Variants in ACOX3 observed in about 807,000 individuals in gnomAD.
The protein encoded by ACOX3 is peroxisomal acyl-coenzyme A oxidase 3.
A neutral mutation model predicts 81.5 loss-of-function variants in ACOX3; 73 were observed. That is an observed-to-expected ratio of 0.90 (90% CI 0.74 to 1.09). The LOEUF is 1.09. Among genes scored for constraint, ACOX3 ranks in the 50% least tolerant of loss-of-function variants. The pLI, the probability that ACOX3 is intolerant of heterozygous loss-of-function variation, is 0.00. For missense variants in ACOX3, 947 were observed against 928.0 expected (o/e 1.02, Z -0.27); for synonymous variants, 387 against 375.1 (o/e 1.03, Z -0.37).
At position 8,389,331 on chromosome 4, in the gene ACOX3, A is replaced by G; in HGVS notation, c.1424-45T>C. The G allele has an allele frequency of 6.4e-7, 1 of 1,552,974 alleles. No individual in the cohort carries two copies. Reference sequence around the variant, plus strand: ...GACTTTGGTGGAAGACAGGAACCCAAACCATTGGGAACCCCAAGCTGGGGG... The same window carrying G: ...GACTTTGGTGGAAGACAGGAACCCAGACCATTGGGAACCCCAAGCTGGGGG... On this transcript the variant is annotated intron_variant, in intron 12 of 17. Transcript: ENST00000356406. This position sits in a 1 kb window ranked among gnomAD's most constrained non-coding sequence, Gnocchi z 5.3.
Position 8,389,152 on chromosome 4 carries a change from G to A in ACOX3, c.1537+21C>T. On this transcript the variant is annotated intron_variant, in intron 13 of 17. Coordinates refer to ENST00000356406, the MANE Select transcript of ACOX3 (RefSeq NM_003501.3). This position sits in a 1 kb window ranked among gnomAD's most constrained non-coding sequence, Gnocchi z 5.3. ...GACAGGAAATCAGGAGGCCAGGGGA[G>A]CCCTCCACCTGTGTGTTTACCTGCA... 2 of 1,592,202 alleles carry A rather than the reference G, an allele frequency of 1.3e-6. No homozygotes were observed. The highest frequency in any genetic ancestry group is 1.1e-5 in the South Asian group (1 of 90,220).
chr4:8,414,994 C>A lies in ACOX3; in HGVS notation c.379-66G>T. On this transcript the variant is annotated intron_variant, in intron 3 of 17. Coordinates refer to ENST00000356406, the MANE Select transcript of ACOX3 (RefSeq NM_003501.3). The surrounding 1 kb of genome is among the most constrained non-coding windows in gnomAD (Gnocchi z 6.1). ...GAAGAGTACTGCTCTTCCGGAACAT[C>A]ACAACAGACAACGGCACTCAACACC... 1 of 1,443,472 alleles carries A rather than the reference C, an allele frequency of 6.9e-7. No individual in the cohort carries two copies. The highest frequency in any genetic ancestry group is 9.8e-7 in the Non-Finnish European group (1 of 1,025,390). The allele number at this position is 1,443,472 out of a possible 1,614,324, so 89.4% of individuals were successfully genotyped here. A position where few individuals can be genotyped will look rare whatever the true frequency, so the allele number is the denominator to read the frequency against.
intron 10 of ACOX3, 74 bp from the exon 11 acceptor site, chr4:8,392,527 G>A (rs1467557710): frequency 3.5e-6 from 5 of 1,417,910 alleles, no homozygotes; most frequent in African/African-American, 2.9e-5. Flanking sequence ...GTCAGCAATA[G>A]CATCAAACCA....
rs1227316554 is a variant in ACOX3 at position 8,432,134 on chromosome 4, TG to T, written c.-15+8513del. Among the ~76,000 whole-genome samples, 11 of 152,248 alleles carry T rather than the reference TG, an allele frequency of 7.2e-5. No individual in the cohort carries two copies. The highest frequency in any genetic ancestry group is 2.4e-4 in the African/African-American group (10 of 41,478). ...CACATCACATTAAGTGGTAGGCAGC[TG>T]AAAACGGTGTTGGGAAAGAGTTGTG... On this transcript the variant is annotated intron_variant, in intron 1 of 17. Coordinates refer to ENST00000356406, the MANE Select transcript of ACOX3 (RefSeq NM_003501.3). This position sits in a 1 kb window ranked among gnomAD's most constrained non-coding sequence, Gnocchi z 6.2.
chr4:8,376,383 G>A (rs1275900587), intron 14 of ACOX3, among the ~76,000 whole-genome samples: 2 of 151,556 alleles, frequency 1.3e-5, no homozygotes, highest in East Asian at 3.9e-4. Context: ...GATGAAATAT[G>A]GTGTATGGGG....
rs1724336743 is a variant in ACOX3, at chr4:8,437,678, A to G, written c.-15+2970T>C. On this transcript the variant is annotated intron_variant, in intron 1 of 17. Coordinates refer to ENST00000356406, the MANE Select transcript of ACOX3 (RefSeq NM_003501.3). The surrounding 1 kb of genome is among the most constrained non-coding windows in gnomAD (Gnocchi z 5.2). ...TTAGGCAAGGATTCGAGAGCCGGCCAAGGCTAGAGAGACATTAATGTGTGA... is the reference window on the plus strand; with the variant it reads ...TTAGGCAAGGATTCGAGAGCCGGCCGAGGCTAGAGAGACATTAATGTGTGA... Among the ~76,000 whole-genome samples the G allele has an allele frequency of 7.9e-5, 12 of 152,260 alleles. No individual in the cohort carries two copies. In the South Asian group the frequency reaches 2.5e-3, roughly 31 times the overall value.
rs528556405 is a variant in ACOX3 at position 8,390,078 on chromosome 4, G to T, written c.1301-344C>A. On this transcript the variant is annotated intron_variant, in intron 11 of 17. Transcript: ENST00000356406. ...AGATTGCGCAACTGCACTCCAGCCCGGGTGACAGAGCAAGACCCTGTCTCA... is the reference window on the plus strand; with the variant it reads ...AGATTGCGCAACTGCACTCCAGCCCTGGTGACAGAGCAAGACCCTGTCTCA... Among the ~76,000 whole-genome samples, 4 of 148,832 alleles carry T rather than the reference G, an allele frequency of 2.7e-5. No homozygotes were observed. In the South Asian group the frequency reaches 8.5e-4, roughly 32 times the overall value.
Position 8,381,373 on chromosome 4 carries a change from G to T in ACOX3, c.1653+119C>A. ...AAAGTCATCAAGTCATCTGCCCAAG[G>T]TCACGGGAGCTCGGGGTCTGGGGCC... On this transcript the variant is annotated intron_variant, in intron 14 of 17. Transcript: ENST00000356406. The surrounding 1 kb of genome is among the most constrained non-coding windows in gnomAD (Gnocchi z 4.3). 1 of 832,246 alleles carries T rather than the reference G, an allele frequency of 1.2e-6. No individual in the cohort carries two copies. The highest frequency in any genetic ancestry group is 2.0e-6 in the Non-Finnish European group (1 of 512,062). The allele number at this position is 832,246 out of a possible 1,614,324, so 51.6% of individuals were successfully genotyped here.
intron 6 of ACOX3, among the ~76,000 whole-genome samples, chr4:8,408,252 T>C (rs1453525589): frequency 7.0e-6 from 1 of 143,796 alleles, no homozygotes; most frequent in East Asian, 2.1e-4. Flanking sequence ...ATTCAGACAC[T>C]GTCTCACAAA....
Position 8,403,632 on chromosome 4 carries a change from G to C in ACOX3, c.776+2323C>G, listed in dbSNP as rs189174388. ...TTATTGTGTTAGTGGCGATCCTATA[G>C]GAGACCGTATTTCTGAGTCTTACAA... is the stretch of plus-strand genomic sequence containing the variant. On this transcript the variant is annotated intron_variant, in intron 7 of 17. Coordinates refer to ENST00000356406, the MANE Select transcript of ACOX3 (RefSeq NM_003501.3). Among the ~76,000 whole-genome samples, 313 of 152,308 alleles carry C rather than the reference G, an allele frequency of 2.1e-3. 1 individual carries two copies. The highest frequency in any genetic ancestry group is 3.2e-3 in the Non-Finnish European group (219 of 68,020).
the ACOX3 span, chr4:8,357,201 A>C: frequency 2.2e-6 from 1 of 456,782 alleles, no homozygotes; most frequent in Non-Finnish European, 4.4e-6. Context: ...AGGTGAGGGA[A>C]AGGAGAACAG....
At chr4:8,374,903 G>T in intron 15 of ACOX3, 75 bp downstream of exon 15, 1 of 1,420,872 alleles carries the variant, frequency 7.0e-7, no homozygotes. Context: ...CGATGGTGCA[G>T]GAAGCAGCTT....
rs1717618553 is a variant in ACOX3, at chr4:8,381,286, C to T, written c.1653+206G>A. Among the ~76,000 whole-genome samples, 1 of 152,176 alleles carries T rather than the reference C, an allele frequency of 6.6e-6. No individual in the cohort carries two copies. The highest frequency in any genetic ancestry group is 2.1e-4 in the South Asian group (1 of 4,816). ...GCACGGTAAATGTAACATCCATGAC[C>T]TCCCCAGCCCAGCAAGACAGGTGCT... On this transcript the variant is annotated intron_variant, in intron 14 of 17. Coordinates refer to ENST00000356406, the MANE Select transcript of ACOX3 (RefSeq NM_003501.3). This position sits in a 1 kb window ranked among gnomAD's most constrained non-coding sequence, Gnocchi z 4.3.
rs1043745377 is a variant in ACOX3 at position 8,416,237 on chromosome 4, G to A, written c.144+141C>T. On this transcript the variant is annotated intron_variant, in intron 2 of 17. Coordinates refer to ENST00000356406, the MANE Select transcript of ACOX3 (RefSeq NM_003501.3). This position sits in a 1 kb window ranked among gnomAD's most constrained non-coding sequence, Gnocchi z 4.2. ...AATTCCCTGAGGCCTGTCCTGGGGT[G>A]CAGAGAGGAGAGAGGCCGCGCTGCC... The A allele has an allele frequency of 6.5e-6, 9 of 1,374,312 alleles. 1 individual carries two copies. Among genetic ancestry groups the A allele is most frequent in the South Asian group, 6.2e-5 (5 of 80,944 alleles). The allele number at this position is 1,374,312 out of a possible 1,614,324, so 85.1% of individuals were successfully genotyped here.
chr4:8,356,928 A>G, the ACOX3 span: 14 of 456,440 alleles, frequency 3.1e-5, no homozygotes, highest in South Asian at 2.0e-4. Flanking sequence ...ACATGATCCC[A>G]GCAGGCGAGA....
chr4:8,420,858 A>G (rs930883465), intron 1 of ACOX3, among the ~76,000 whole-genome samples: 6 of 152,158 alleles, frequency 3.9e-5, no homozygotes, highest in African/African-American at 1.2e-4. Context: ...GCTGCTCCCA[A>G]TCGGGCTAGA....
chr4:8,435,743 G>A (rs1228826331), intron 1 of ACOX3, among the ~76,000 whole-genome samples: 1 of 152,178 alleles, frequency 6.6e-6, no homozygotes, highest in Non-Finnish European at 1.5e-5. Context: ...AAGAACAGCT[G>A]CACCAGCAGA....
chr4:8,402,076 G>C (rs527952048), intron 7 of ACOX3, among the ~76,000 whole-genome samples: 2 of 152,364 alleles, frequency 1.3e-5, no homozygotes, highest in Non-Finnish European at 1.5e-5. Flanking sequence ...GAACAAGTCA[G>C]GTGGGGCAGA....
At position 8,399,743 on chromosome 4, in the gene ACOX3, C is replaced by T. The variant is rs1480849188; in HGVS notation, c.777-91G>A. The T allele has an allele frequency of 1.4e-5, 16 of 1,166,986 alleles. No individual in the cohort carries two copies. The highest frequency in any genetic ancestry group is 4.1e-5 in the Admixed American group (2 of 49,144). 72.3% of individuals were successfully genotyped at this position (1,166,986 alleles called of 1,614,324 possible). On this transcript the variant is annotated intron_variant, in intron 7 of 17. Transcript: ENST00000356406. This position sits in a 1 kb window ranked among gnomAD's most constrained non-coding sequence, Gnocchi z 4.9. ...GGGCAGCCTAAAAGCTGATGCAATC[C>T]CCGAGGACAAAGAAAATGGCAGAGG...
Sources: allele counts gnomAD v4.1 joint callset (sites outside exome capture counted in the v4.1 genomes callset), GRCh38; gene constraint gnomAD v4.1.1; non-coding constraint Gnocchi (gnomAD v3.1); transcripts MANE v1.5; gene names NCBI Gene and HGNC (gene_info 2026-07-23, HGNC 2026-07-21).